RPP30: variants seen among roughly 807,000 people sequenced by gnomAD.
RPP30 encodes ribonuclease P protein subunit p30.
In RPP30, 36 loss-of-function variants were observed where a neutral mutation model predicts 38.6. The ratio of observed to expected loss-of-function variants is 0.93; its 90% CI spans 0.71 to 1.23. The LOEUF (loss-of-function observed/expected upper bound fraction) is 1.23. Among genes scored for constraint, RPP30 ranks in the 50% most tolerant of loss-of-function variants. The pLI, the probability that RPP30 is intolerant of heterozygous loss-of-function variation, is 0.00. For synonymous variants in RPP30, 126 were observed against 112.7 expected, an observed-to-expected ratio of 1.12 and a Z score of -0.75; for missense variants, 321 against 321.7, an observed-to-expected ratio of 1.00 and a Z score of 0.02.
chr10:90,903,788 C>A (rs1292064460), downstream of RPP30, among the ~76,000 whole-genome samples: 3 of 152,142 alleles, frequency 2.0e-5, no homozygotes, highest in African/African-American at 7.2e-5. Flanking sequence ...GATTAATAAC[C>A]TGTTAAATAA....
chr10:90,895,287 T>C, intron 7 of RPP30, 167 bp from the exon 8 acceptor site: 1 of 510,436 alleles, frequency 2.0e-6, no homozygotes, highest in Non-Finnish European at 3.4e-6. Context: ...GCCTTTAGTT[T>C]GACATGAAGT....
chr10:90,887,437 C>T (rs1184407046), intron 6 of RPP30, among the ~76,000 whole-genome samples: 7 of 149,038 alleles, frequency 4.7e-5, no homozygotes, highest in Admixed American at 6.7e-5. Context: ...GGCTGGAGTA[C>T]AGTGGCACGA....
At chr10:90,886,325 T>A (rs1846999612) in intron 6 of RPP30, among the ~76,000 whole-genome samples, 1 of 152,156 alleles carries the variant, frequency 6.6e-6, no homozygotes, top group African/African-American at 2.4e-5. Flanking sequence ...ATAGACGTGG[T>A]CTATGCAAAA....
At chr10:90,885,675 G>C in intron 5 of RPP30, 137 bp from the exon 6 acceptor site, 2 of 637,692 alleles carry the variant, frequency 3.1e-6, no homozygotes, top group Non-Finnish European at 5.5e-6. Flanking sequence ...CTTTGTAAAA[G>C]GTCAGATGTA....
At chr10:90,896,990 A>G (rs1454769226) in intron 10 of RPP30, among the ~76,000 whole-genome samples, 1 of 152,072 alleles carries the variant, frequency 6.6e-6, no homozygotes, top group Non-Finnish European at 1.5e-5. Context: ...CCTGGGCTCA[A>G]GCAATCCTCC....
downstream of RPP30, among the ~76,000 whole-genome samples, chr10:90,907,518 G>A (rs998253820): frequency 6.6e-6 from 1 of 152,164 alleles, no homozygotes; most frequent in Admixed American, 6.5e-5. Context: ...TGGACTATGC[G>A]TATACACTCT....
chr10:90,896,311 A>G lies in RPP30; in HGVS notation c.618-2A>G. ...GGTTGAAATCTTTAATGCTCCCCCAAGAGGCTTGCTGTTTGGGCTCTCTGA... is the reference window on the plus strand; with the variant it reads ...GGTTGAAATCTTTAATGCTCCCCCAGGAGGCTTGCTGTTTGGGCTCTCTGA... On this transcript the variant is annotated splice_acceptor_variant, in intron 9 of 10. Coordinates refer to ENST00000371703, the MANE Select transcript of RPP30 (RefSeq NM_006413.5). LOFTEE classifies it high-confidence loss of function. The G allele has an allele frequency of 1.2e-6, 2 of 1,613,906 alleles. No individual in the cohort carries two copies. The highest frequency in any genetic ancestry group is 1.7e-6 in the Non-Finnish European group (2 of 1,179,798).
intron 2 of RPP30, 32 bp downstream of exon 2, chr10:90,874,956 A>G (rs1458853866): frequency 3.1e-6 from 4 of 1,307,782 alleles, no homozygotes; most frequent in Non-Finnish European, 4.3e-6. Context: ...TAATAAGTTC[A>G]TAAATAAGTA....
At chr10:90,879,878 G>T (rs1392502963) in intron 5 of RPP30, among the ~76,000 whole-genome samples, 1 of 152,176 alleles carries the variant, frequency 6.6e-6, no homozygotes, top group African/African-American at 2.4e-5. Flanking sequence ...AAGTTCAAAA[G>T]TTACCTTTAT....
intron 6 of RPP30, among the ~76,000 whole-genome samples, chr10:90,886,156 G>T (rs1210516222): frequency 6.6e-6 from 1 of 152,128 alleles, no homozygotes; most frequent in African/African-American, 2.4e-5. Context: ...TATTTCTTAA[G>T]AGGATAGCTA....
chr10:90,903,226 T>G, downstream of RPP30: 1 of 1,609,684 alleles, frequency 6.2e-7, no homozygotes. Flanking sequence ...TTTTGATCTC[T>G]CATCAGAGAG....
At chr10:90,879,210 A>G in intron 5 of RPP30, 76 bp downstream of exon 5, 1 of 1,118,178 alleles carries the variant, frequency 8.9e-7, no homozygotes, top group South Asian at 1.4e-5. Flanking sequence ...TTTGTAGATG[A>G]CCTGTTTTGA....
At chr10:90,889,704 T>G (rs1847050405) in intron 6 of RPP30, among the ~76,000 whole-genome samples, 1 of 152,190 alleles carries the variant, frequency 6.6e-6, no homozygotes, top group Non-Finnish European at 1.5e-5. Flanking sequence ...GTGAGAATCA[T>G]CAGCTTGGAA....
At chr10:90,879,919 A>G (rs1049113007) in intron 5 of RPP30, 1 of 152,220 alleles carries the variant, frequency 6.6e-6, no homozygotes, top group African/African-American at 2.4e-5. Flanking sequence ...ATCCGCCAAA[A>G]GTATAAAATG....
Position 90,901,007 on chromosome 10 carries a change from G to T in RPP30, c.*328G>T. 5 of 939,730 alleles carry T rather than the reference G, an allele frequency of 5.3e-6. No individual in the cohort carries two copies. Among genetic ancestry groups the T allele is most frequent in the Non-Finnish European group, 5.2e-6 (4 of 776,246 alleles). 58.2% of individuals were successfully genotyped at this position (939,730 alleles called of 1,614,324 possible). A position where few individuals can be genotyped will look rare whatever the true frequency, so the allele number is the denominator to read the frequency against. ...TGTTTCATTTTGTTTTTGAGATAGG[G>T]TCTTTGTTGCTCAGGCTGGAGTACA... On this transcript the variant is annotated 3_prime_UTR_variant, in exon 11 of 11. Transcript: ENST00000371703.
At chr10:90,903,349 G>A (rs770523901), downstream of RPP30, 92 of 894,816 alleles carry the variant, frequency 1.0e-4, no homozygotes, top group Admixed American at 1.1e-4. Context: ...AATTTTTTGC[G>A]ACGTCCCACC....
chr10:90,895,097 T>C, intron 7 of RPP30: 1 of 611,596 alleles, frequency 1.6e-6, no homozygotes, highest in Non-Finnish European at 2.9e-6. Flanking sequence ...AAAGATGTGT[T>C]GGAAGCCATA....
chr10:90,872,204 C>T lies in RPP30; in HGVS notation c.82+136C>T, dbSNP rs549760918. The T allele has an allele frequency of 4.7e-5, 35 of 738,724 alleles. No individual in the cohort carries two copies. In the East Asian group the frequency reaches 7.0e-4, roughly 15 times the overall value. 45.8% of individuals were successfully genotyped at this position (738,724 alleles called of 1,614,324 possible). A position where few individuals can be genotyped will look rare whatever the true frequency, so the allele number is the denominator to read the frequency against. ...TGGGATGTCCCTGGAGGCTGATGCC[C>T]GCCGAGGTGTTGGTCTGATTCCTAG... On this transcript the variant is annotated intron_variant, in intron 1 of 10. Transcript: ENST00000371703.
downstream of RPP30, among the ~76,000 whole-genome samples, chr10:90,907,658 C>T (rs937135470): frequency 6.6e-6 from 1 of 152,204 alleles, no homozygotes; most frequent in Non-Finnish European, 1.5e-5. Flanking sequence ...AAACATTTCT[C>T]ATATCCTTGC....
Sources: allele counts gnomAD v4.1 joint callset (sites outside exome capture counted in the v4.1 genomes callset), GRCh38; gene constraint gnomAD v4.1.1; transcripts MANE v1.5; gene names NCBI Gene and HGNC (gene_info 2026-07-23, HGNC 2026-07-21).